The following SMAP1 variants were observed in gnomAD, a reference collection of about 807,000 sequenced individuals.
SMAP1 encodes the protein stromal membrane-associated protein 1.
A neutral mutation model predicts 58.5 loss-of-function variants in SMAP1; 24 were observed. The observed-to-expected ratio is 0.41, with a 90% confidence interval of 0.30 to 0.58. The LOEUF is 0.58. SMAP1 is among the 20% of genes least tolerant of loss of function. SMAP1 has a pLI of 0.29. For synonymous variants in SMAP1, 216 were observed against 196.6 expected, an observed-to-expected ratio of 1.10 and a Z score of -0.82; for missense variants, 563 against 566.3, an observed-to-expected ratio of 0.99 and a Z score of 0.06.
At chr6:70,670,494 G>A (rs527509995) in intron 1 of SMAP1, among the ~76,000 whole-genome samples, 57 of 152,082 alleles carry the variant, frequency 3.7e-4, no homozygotes, top group Admixed American at 9.2e-4. Context: ...CATTATGGAG[G>A]CTTTTTTAGT....
chr6:70,764,636 C>T (rs1766885579), intron 3 of SMAP1, among the ~76,000 whole-genome samples: 1 of 152,176 alleles, frequency 6.6e-6, no homozygotes, highest in South Asian at 2.1e-4. Flanking sequence ...ACCGTTGAGA[C>T]CTGCTGCTCA....
chr6:70,708,714 AATG>A (rs1177747479), intron 1 of SMAP1, among the ~76,000 whole-genome samples: 4 of 152,154 alleles, frequency 2.6e-5, no homozygotes, highest in Non-Finnish European at 4.4e-5. Flanking sequence ...TCTGATGACT[AATG>A]ATGTTGAGTA....
chr6:70,671,961 G>A (rs1766283913), intron 1 of SMAP1, among the ~76,000 whole-genome samples: 1 of 152,176 alleles, frequency 6.6e-6, no homozygotes. Context: ...TCAATTTTGG[G>A]TAGTCAGAAA....
intron 1 of SMAP1, among the ~76,000 whole-genome samples, chr6:70,705,359 C>G (rs984483298): frequency 1.3e-5 from 2 of 151,308 alleles, no homozygotes; most frequent in Admixed American, 1.3e-4. Flanking sequence ...TCAAGTGATT[C>G]TCCTGCCTCA....
intron 6 of SMAP1, among the ~76,000 whole-genome samples, chr6:70,810,944 C>T (rs1007922615): frequency 6.6e-6 from 1 of 152,146 alleles, no homozygotes; most frequent in African/African-American, 2.4e-5. Flanking sequence ...TAAGACTCTA[C>T]TTAAAGTTTA....
chr6:70,812,484 G>A (rs1040441690), intron 6 of SMAP1, among the ~76,000 whole-genome samples: 10 of 152,128 alleles, frequency 6.6e-5, no homozygotes, highest in Non-Finnish European at 1.3e-4. Context: ...CGTACACTTT[G>A]TTATTCTTCA....
At chr6:70,805,882 G>A (rs914079435) in intron 6 of SMAP1, among the ~76,000 whole-genome samples, 3 of 152,122 alleles carry the variant, frequency 2.0e-5, no homozygotes, top group South Asian at 2.1e-4. Flanking sequence ...TGGAAGCTTC[G>A]TCCCAGAGGG....
intron 4 of SMAP1, among the ~76,000 whole-genome samples, chr6:70,784,231 C>A (rs1452554156): frequency 2.6e-5 from 4 of 152,074 alleles, no homozygotes; most frequent in South Asian, 2.1e-4. Context: ...GAAATAAAAT[C>A]CTTTACAGAC....
chr6:70,827,642 A>G (rs1770190756), intron 6 of SMAP1, among the ~76,000 whole-genome samples: 2 of 152,238 alleles, frequency 1.3e-5, no homozygotes, highest in Non-Finnish European at 1.5e-5. Context: ...ATTTTCTTAC[A>G]GAGAGAATGG....
At chr6:70,688,041 A>T (rs940570198) in intron 1 of SMAP1, among the ~76,000 whole-genome samples, 7 of 152,334 alleles carry the variant, frequency 4.6e-5, no homozygotes, top group African/African-American at 1.7e-4. Context: ...CAAAAATGTT[A>T]TAAAAATAGA....
At chr6:70,790,693 C>A (rs1768313376) in intron 4 of SMAP1, among the ~76,000 whole-genome samples, 1 of 152,114 alleles carries the variant, frequency 6.6e-6, no homozygotes, top group Admixed American at 6.6e-5. Flanking sequence ...ACTGCCATAA[C>A]TAACTTAATA....
intron 6 of SMAP1, among the ~76,000 whole-genome samples, chr6:70,811,447 G>T (rs1173878954): frequency 6.6e-6 from 1 of 152,104 alleles, no homozygotes; most frequent in Non-Finnish European, 1.5e-5. Context: ...GGTCTCGATA[G>T]AAGAATGAAA....
At chr6:70,668,968 GA>G (rs900559071) in intron 1 of SMAP1, among the ~76,000 whole-genome samples, 10 of 152,072 alleles carry the variant, frequency 6.6e-5, no homozygotes, top group Non-Finnish European at 1.2e-4. Context: ...TCTAGAGATG[GA>G]AAAAACCTAA....
chr6:70,731,402 A>G (rs1403327468), intron 1 of SMAP1, among the ~76,000 whole-genome samples: 1 of 152,176 alleles, frequency 6.6e-6, no homozygotes, highest in African/African-American at 2.4e-5. Context: ...CCATGAACTG[A>G]AGAACTAACA....
intron 4 of SMAP1, among the ~76,000 whole-genome samples, chr6:70,784,166 G>T (rs1357482314): frequency 1.3e-5 from 2 of 152,152 alleles, no homozygotes; most frequent in African/African-American, 2.4e-5. Flanking sequence ...TTAAAGAAAA[G>T]AATTTTCAAG....
At chr6:70,754,578 G>A (rs937288365) in intron 2 of SMAP1, among the ~76,000 whole-genome samples, 3 of 152,012 alleles carry the variant, frequency 2.0e-5, no homozygotes, top group African/African-American at 7.2e-5. Context: ...GAATCCCAGG[G>A]TATTTCAAAG....
At chr6:70,675,966 T>C (rs1766465687) in intron 1 of SMAP1, among the ~76,000 whole-genome samples, 1 of 152,206 alleles carries the variant, frequency 6.6e-6, no homozygotes, top group South Asian at 2.1e-4. Flanking sequence ...CCAGCCAGGG[T>C]TACCTACATG....
intron 1 of SMAP1, among the ~76,000 whole-genome samples, chr6:70,669,168 A>T (rs2128545955): frequency 6.6e-6 from 1 of 152,064 alleles, no homozygotes. Context: ...TATATTTTTA[A>T]TTGGTTTATT....
chr6:70,833,007 G>T (rs1366496311), intron 6 of SMAP1, among the ~76,000 whole-genome samples: 1 of 152,080 alleles, frequency 6.6e-6, no homozygotes, highest in Admixed American at 6.6e-5. Context: ...ACAAAAATCT[G>T]TAAAAATATT....
Sources: allele counts gnomAD v4.1 joint callset (sites outside exome capture counted in the v4.1 genomes callset), GRCh38; gene constraint gnomAD v4.1.1; transcripts MANE v1.5; gene names NCBI Gene and HGNC (gene_info 2026-07-23, HGNC 2026-07-21).